ODAD2: variants seen among roughly 807,000 people sequenced by gnomAD.
The protein encoded by ODAD2 is outer dynein arm docking complex subunit 2.
A neutral mutation model predicts 106.8 loss-of-function variants in ODAD2; 89 were observed. The observed-to-expected ratio is 0.83, with a 90% CI of 0.70 to 0.99. The LOEUF (loss-of-function observed/expected upper bound fraction) is 0.99. Ranked by LOEUF, ODAD2 falls within the 50% of genes least tolerant of loss-of-function variation. The probability of loss-of-function intolerance (pLI) is 0.00; values close to 1 mark genes in which losing one functional copy is unlikely to be tolerated. For missense variants in ODAD2, 1,168 were observed against 1,238.5 expected (o/e 0.94, Z 0.85); for synonymous variants, 404 against 436.2 (o/e 0.93, Z 0.92).
chr10:27,982,667 A>ATT (rs1849633887), intron 6 of ODAD2, among the ~76,000 whole-genome samples: 1 of 152,150 alleles, frequency 6.6e-6, no homozygotes, highest in Non-Finnish European at 1.5e-5. Flanking sequence ...CCAAGCCAAC[A>ATT]TGTAACAACC....
intron 1 of ODAD2, among the ~76,000 whole-genome samples, 168 bp from the exon 2 acceptor site, chr10:27,995,348 A>C (rs1850497369): frequency 6.6e-6 from 1 of 152,232 alleles, no homozygotes; most frequent in Non-Finnish European, 1.5e-5. Flanking sequence ...GAAGTAGTAA[A>C]CCAGCACTAG....
chr10:27,825,221 T>C (rs1836944038), intron 19 of ODAD2, among the ~76,000 whole-genome samples: 1 of 152,196 alleles, frequency 6.6e-6, no homozygotes, highest in South Asian at 2.1e-4. Context: ...ATCTTCCCAT[T>C]ACCATCACTG....
chr10:27,984,093 C>T, intron 5 of ODAD2, 91 bp downstream of exon 5: 1 of 1,493,038 alleles, frequency 6.7e-7, no homozygotes, highest in Admixed American at 1.9e-5. Flanking sequence ...CCTTCTTAAA[C>T]CTTCTCTTGT....
At chr10:27,860,943 A>G (rs1323782969) in intron 18 of ODAD2, 97 bp from the exon 19 acceptor site, 8 of 1,038,414 alleles carry the variant, frequency 7.7e-6, no homozygotes, top group East Asian at 5.0e-5. Context: ...TAAGACACCA[A>G]TGAGTCTAGA....
chr10:27,996,825 C>G (rs1351199840), intron 1 of ODAD2, among the ~76,000 whole-genome samples: 1 of 152,204 alleles, frequency 6.6e-6, no homozygotes, highest in Non-Finnish European at 1.5e-5. Flanking sequence ...GCATTTGGGG[C>G]TGCTGTGTTC....
intron 16 of ODAD2, among the ~76,000 whole-genome samples, chr10:27,919,122 A>C (rs1182039455): frequency 1.3e-5 from 2 of 151,974 alleles, no homozygotes; most frequent in African/African-American, 4.8e-5. Context: ...ATTTTCCTTA[A>C]ATTAGTTCAG....
intron 19 of ODAD2, among the ~76,000 whole-genome samples, chr10:27,854,329 G>A (rs565835440): frequency 2.0e-5 from 3 of 152,264 alleles, no homozygotes; most frequent in South Asian, 2.1e-4. Flanking sequence ...TACACATACC[G>A]TATGATCCAG....
intron 19 of ODAD2, among the ~76,000 whole-genome samples, chr10:27,827,289 T>G (rs979595292): frequency 4.6e-5 from 7 of 151,512 alleles, no homozygotes; most frequent in African/African-American, 1.7e-4. Flanking sequence ...GAAATGTCAT[T>G]CACTCTCATT....
intron 19 of ODAD2, among the ~76,000 whole-genome samples, chr10:27,851,715 G>T (rs1000935043): frequency 1.3e-5 from 2 of 152,162 alleles, no homozygotes; most frequent in Admixed American, 6.6e-5. Flanking sequence ...AGGTGAAAGT[G>T]GCGTTTACAA....
chr10:27,864,642 G>C (rs1343687970), intron 17 of ODAD2, among the ~76,000 whole-genome samples: 3 of 150,790 alleles, frequency 2.0e-5, no homozygotes, highest in Non-Finnish European at 3.0e-5. Context: ...GTGAGGAGTG[G>C]GGTGATAGTG....
chr10:27,890,712 G>A (rs1295204545), intron 17 of ODAD2, among the ~76,000 whole-genome samples: 2 of 151,546 alleles, frequency 1.3e-5, no homozygotes, highest in African/African-American at 4.8e-5. Context: ...GCTTTTTAAG[G>A]CCCTCACTTT....
intron 10 of ODAD2, among the ~76,000 whole-genome samples, chr10:27,959,328 T>C (rs1236143456): frequency 6.6e-6 from 1 of 151,324 alleles, no homozygotes; most frequent in Non-Finnish European, 1.5e-5. Flanking sequence ...TGTCTAGAGC[T>C]GCCCACCTCA....
chr10:27,960,294 ATTAT>A (rs1848034341), intron 10 of ODAD2, among the ~76,000 whole-genome samples: 1 of 147,834 alleles, frequency 6.8e-6, no homozygotes, highest in Admixed American at 6.8e-5. Context: ...ACATGAAAAT[ATTAT>A]TTATTTATTT....
At chr10:27,999,464 G>T (rs1043743204), upstream of ODAD2, among the ~76,000 whole-genome samples, 2 of 152,128 alleles carry the variant, frequency 1.3e-5, no homozygotes, top group South Asian at 2.1e-4. Flanking sequence ...AACAAATATG[G>T]TAGAATACTC....
At chr10:27,897,315 T>C (rs776615259) in intron 17 of ODAD2, among the ~76,000 whole-genome samples, 1 of 152,140 alleles carries the variant, frequency 6.6e-6, no homozygotes, top group Non-Finnish European at 1.5e-5. Context: ...TCTCCTGACA[T>C]CCAGATTCGT....
chr10:27,875,174 C>T (rs554509511), intron 17 of ODAD2, among the ~76,000 whole-genome samples: 5 of 152,302 alleles, frequency 3.3e-5, no homozygotes, highest in Admixed American at 6.5e-5. Flanking sequence ...GCATTCGTCA[C>T]GTAGTTCTTG....
At chr10:27,849,483 TGGCACATGTACACATAGGTAAA>T (rs1839077072) in intron 19 of ODAD2, among the ~76,000 whole-genome samples, 1 of 152,084 alleles carries the variant, frequency 6.6e-6, no homozygotes, top group Non-Finnish European at 1.5e-5. Context: ...CACACCAGCA[TGGCACATGTACACATAGGTAAA>T]AAATCTGCAC....
chr10:27,950,767 T>C (rs562149542), intron 10 of ODAD2, among the ~76,000 whole-genome samples: 96 of 152,262 alleles, frequency 6.3e-4, no homozygotes, highest in African/African-American at 2.1e-3. Flanking sequence ...GCATTCTTTT[T>C]AATTTGCCAT....
intron 17 of ODAD2, among the ~76,000 whole-genome samples, chr10:27,895,204 C>G (rs1842787491): frequency 6.6e-6 from 1 of 152,162 alleles, no homozygotes; most frequent in Non-Finnish European, 1.5e-5. Flanking sequence ...CTTTTCATAG[C>G]AGATGGCTTA....
Sources: allele counts gnomAD v4.1 joint callset (sites outside exome capture counted in the v4.1 genomes callset), GRCh38; gene constraint gnomAD v4.1.1; transcripts MANE v1.5; gene names NCBI Gene and HGNC (gene_info 2026-07-23, HGNC 2026-07-21).